CDC45: variants seen among roughly 807,000 people sequenced by gnomAD.
CDC45 encodes the protein cell division cycle 45.
CDC45 carries 54 observed loss-of-function variants against 77.8 expected under a neutral mutation model. The ratio of observed to expected loss-of-function variants is 0.69; its 90% CI spans 0.56 to 0.87. CDC45 has a LOEUF of 0.87. Among genes scored for constraint, CDC45 ranks in the 40% least tolerant of loss-of-function variants. The pLI is 0.00. For missense variants in CDC45, 649 were observed against 721.6 expected, an observed-to-expected ratio of 0.90 and a Z score of 1.15; for synonymous variants, 260 against 272.1, an observed-to-expected ratio of 0.96 and a Z score of 0.44.
chr22:19,496,309 A>G (rs933805396), intron 7 of CDC45, among the ~76,000 whole-genome samples: 5 of 152,228 alleles, frequency 3.3e-5, no homozygotes, highest in African/African-American at 1.2e-4. Flanking sequence ...ATTTTTGTTC[A>G]TCAAAAACAC....
At chr22:19,500,984 C>T (rs1268221857) in intron 9 of CDC45, among the ~76,000 whole-genome samples, 2 of 152,116 alleles carry the variant, frequency 1.3e-5, no homozygotes, top group East Asian at 3.9e-4. Flanking sequence ...CGAGACCAGC[C>T]TGGCCAATAT....
At position 19,512,260 on chromosome 22, in the gene CDC45, C is replaced by G. The variant is rs192990135; in HGVS notation, c.1218-2489C>G. Among the ~76,000 whole-genome samples the G allele has an allele frequency of 3.0e-4, 45 of 152,336 alleles. 1 individual carries two copies. The highest frequency in any genetic ancestry group is 8.5e-4 in the Admixed American group (13 of 15,306). On this transcript the variant is annotated intron_variant, in intron 13 of 18. Transcript: ENST00000263201. ...GCTCCTTAAACTTTCCCTTGGCCCA[C>G]TGCACTCACCTGCTCTTGCATAGGG...
At chr22:19,479,547 G>C, upstream of CDC45, 1 of 566,118 alleles carries the variant, frequency 1.8e-6, no homozygotes, top group Non-Finnish European at 3.4e-6. Context: ...AAAACCTATT[G>C]CAAACGTAAA....
intron 8 of CDC45, among the ~76,000 whole-genome samples, chr22:19,497,910 G>A (rs1284323772): frequency 6.6e-6 from 1 of 151,932 alleles, no homozygotes; most frequent in African/African-American, 2.4e-5. Context: ...AAAAAAAATT[G>A]TCTGGGCATG....
At chr22:19,489,464 A>T (rs1423848980) in intron 5 of CDC45, among the ~76,000 whole-genome samples, 1 of 152,164 alleles carries the variant, frequency 6.6e-6, no homozygotes, top group Non-Finnish European at 1.5e-5. Flanking sequence ...TTTCAACAAT[A>T]TTATGGAAAT....
Position 19,482,845 on chromosome 22 carries a change from C to T in CDC45, c.342+18C>T. ...ATACCCAGGTACTTTTTGTGCTATG[C>T]CCTCAAACTGTCTGTACTTTTTATG... On this transcript the variant is annotated intron_variant, in intron 4 of 18. Transcript: ENST00000263201. 1.2e-6 allele frequency: 2 copies of T among 1,612,250 alleles called. No homozygotes were observed. The highest frequency in any genetic ancestry group is 1.7e-6 in the Non-Finnish European group (2 of 1,178,430).
At chr22:19,482,927 G>A in intron 4 of CDC45, 100 bp downstream of exon 4, 2 of 1,091,832 alleles carry the variant, frequency 1.8e-6, no homozygotes, top group African/African-American at 1.6e-5. Context: ...ACTACCCTGT[G>A]GGACTGGGAA....
chr22:19,484,198 A>G (rs1403385990), intron 5 of CDC45, among the ~76,000 whole-genome samples, 193 bp downstream of exon 5: 1 of 152,210 alleles, frequency 6.6e-6, no homozygotes, highest in Non-Finnish European at 1.5e-5. Flanking sequence ...ACTTCCCTAA[A>G]TAGTGGCTTA....
At chr22:19,488,388 C>T (rs2090105476) in intron 5 of CDC45, among the ~76,000 whole-genome samples, 1 of 152,210 alleles carries the variant, frequency 6.6e-6, no homozygotes, top group Admixed American at 6.5e-5. Context: ...GGAAGCATGG[C>T]TCAGACATCT....
intron 13 of CDC45, among the ~76,000 whole-genome samples, chr22:19,513,727 A>G (rs1378356811): frequency 2.6e-5 from 4 of 152,232 alleles, no homozygotes; most frequent in Non-Finnish European, 5.9e-5. Context: ...GAAAGGGCGC[A>G]TGTGAGATAA....
intron 17 of CDC45, among the ~76,000 whole-genome samples, chr22:19,517,319 G>A (rs1019997204): frequency 2.1e-4 from 32 of 152,160 alleles, no homozygotes; most frequent in Admixed American, 1.6e-3. Context: ...TCCACAGGCC[G>A]GGGTGTGTGT....
intron 5 of CDC45, among the ~76,000 whole-genome samples, chr22:19,487,958 G>A (rs1235871413): frequency 3.4e-5 from 5 of 148,712 alleles, no homozygotes; most frequent in Non-Finnish European, 6.0e-5. Context: ...GAAAAGAGGA[G>A]ACATGGGGTC....
intron 13 of CDC45, among the ~76,000 whole-genome samples, chr22:19,509,593 T>G (rs1183317938): frequency 3.9e-5 from 6 of 152,244 alleles, no homozygotes; most frequent in African/African-American, 1.4e-4. Context: ...ATCTGCAACT[T>G]TCACATTAGT....
intron 13 of CDC45, 106 bp from the exon 14 acceptor site, chr22:19,514,643 C>A: frequency 1.1e-6 from 1 of 922,840 alleles, no homozygotes; most frequent in Non-Finnish European, 1.6e-6. Flanking sequence ...TTCTTACCCC[C>A]AAACCTCTTC....
intron 5 of CDC45, among the ~76,000 whole-genome samples, chr22:19,487,253 C>G (rs2090083074): frequency 6.8e-6 from 1 of 147,606 alleles, no homozygotes; most frequent in Non-Finnish European, 1.5e-5. Flanking sequence ...GATCACGCCA[C>G]TGCACTCCAG....
At position 19,499,142 on chromosome 22, in the gene CDC45, A is replaced by C; in HGVS notation, c.695A>C (p.Lys232Thr). The change falls in exon 9 of 19, where the codon AAG (lysine) becomes ACG (threonine). Residue 232 changes from lysine to threonine, a missense_variant. Coordinates refer to ENST00000263201, the MANE Select transcript of CDC45 (RefSeq NM_003504.5). ...VGLTDQWVQD[K>T]ITQMKYVTDV... ...CTAACAGACCAGTGGGTGCAAGACA[A>C]GATCACTCAGTAAGGACACACTCCC... 2 of 1,614,182 alleles carry C rather than the reference A, an allele frequency of 1.2e-6. No homozygotes were observed. Among genetic ancestry groups the C allele is most frequent in the Non-Finnish European group, 1.7e-6 (2 of 1,180,000 alleles).
At chr22:19,482,967 C>CAT in intron 4 of CDC45, 140 bp downstream of exon 4, 5 of 618,166 alleles carry the variant, frequency 8.1e-6, no homozygotes, top group Admixed American at 2.6e-5. Context: ...TGGTCTTTGT[C>CAT]ATCTTTTTTT....
rs2090309671 is a variant in CDC45 at position 19,499,849 on chromosome 22, A to T, written c.704+698A>T. On this transcript the variant is annotated intron_variant, in intron 9 of 18. Transcript: ENST00000263201. ...ATGCTGGTCCTCTCCTAGGGGACCC[A>T]TGTAGATGTCCCCAGGCTGTCACCT... Among the ~76,000 whole-genome samples the T allele has an allele frequency of 2.0e-5, 3 of 152,300 alleles. No individual in the cohort carries two copies. The South Asian group carries it at 6.2e-4, about 32-fold the overall frequency.
At chr22:19,496,118 C>T (rs546984033) in intron 7 of CDC45, 89 bp downstream of exon 7, 6 of 912,896 alleles carry the variant, frequency 6.6e-6, no homozygotes, top group African/African-American at 5.0e-5. Context: ...GATTTTAGAG[C>T]CACAAAAGCC....
Sources: allele counts gnomAD v4.1 joint callset (sites outside exome capture counted in the v4.1 genomes callset), GRCh38; gene constraint gnomAD v4.1.1; transcripts MANE v1.5; gene names NCBI Gene and HGNC (gene_info 2026-07-23, HGNC 2026-07-21).